STK32B: variants seen among roughly 807,000 people sequenced by gnomAD.
STK32B encodes the protein serine/threonine kinase 32B.
A neutral mutation model predicts 52.6 loss-of-function variants in STK32B; 43 were observed. That is an observed-to-expected ratio of 0.82 (90% CI 0.64 to 1.05). The LOEUF is 1.05. Ranked by LOEUF, STK32B falls within the 50% of genes least tolerant of loss-of-function variation. The pLI, the probability that STK32B is intolerant of heterozygous loss-of-function variation, is 0.00. For synonymous variants in STK32B, 238 were observed against 204.3 expected, an observed-to-expected ratio of 1.17 and a Z score of -1.41; for missense variants, 621 against 534.6, an observed-to-expected ratio of 1.16 and a Z score of -1.59.
At chr4:5,124,200 T>C (rs1715225989) in intron 1 of STK32B, among the ~76,000 whole-genome samples, 1 of 152,158 alleles carries the variant, frequency 6.6e-6, no homozygotes, top group Non-Finnish European at 1.5e-5. Context: ...ATAATTTTGC[T>C]CTCTCACAGA....
intron 1 of STK32B, among the ~76,000 whole-genome samples, chr4:5,127,327 G>A (rs1261369677): frequency 6.6e-6 from 1 of 152,210 alleles, no homozygotes; most frequent in Non-Finnish European, 1.5e-5. Context: ...TTCACCTGGT[G>A]TGAGGGTCTG....
intron 1 of STK32B, among the ~76,000 whole-genome samples, chr4:5,098,269 T>C (rs539132697): frequency 1.2e-3 from 178 of 152,350 alleles, no homozygotes; most frequent in African/African-American, 4.0e-3. Context: ...TTGTTATGTT[T>C]ACAGTACTAC....
Position 5,460,409 on chromosome 4 carries a change from G to C in STK32B, c.909+181G>C, listed in dbSNP as rs560365282. ...GGGCCTGATTTCCAGGGTCCCAGCC[G>C]TACAGCTTCCCTCCTTGTGGTAGGT... On this transcript the variant is annotated intron_variant, in intron 9 of 11. Coordinates refer to ENST00000282908, the MANE Select transcript of STK32B (RefSeq NM_018401.3). The surrounding 1 kb of genome is among the most constrained non-coding windows in gnomAD (Gnocchi z 4.8). 6.6e-6 allele frequency among the ~76,000 whole-genome samples: 1 copy of C among 152,324 alleles called. No individual in the cohort carries two copies. Among genetic ancestry groups the C allele is most frequent in the South Asian group, 2.1e-4 (1 of 4,824 alleles).
At chr4:5,201,887 A>T (rs755774810) in intron 3 of STK32B, among the ~76,000 whole-genome samples, 1 of 152,184 alleles carries the variant, frequency 6.6e-6, no homozygotes, top group African/African-American at 2.4e-5. Flanking sequence ...ATTTGAGATG[A>T]TATTTGGGTG....
intron 3 of STK32B, among the ~76,000 whole-genome samples, chr4:5,297,635 G>GTT (rs200463444): frequency 1.0e-4 from 13 of 126,974 alleles, no homozygotes; most frequent in Non-Finnish European, 1.6e-4. Context: ...GGTCATTTAT[G>GTT]TTTTTTTTTT....
At chr4:5,317,923 T>C (rs1731217636) in intron 3 of STK32B, among the ~76,000 whole-genome samples, 1 of 152,094 alleles carries the variant, frequency 6.6e-6, no homozygotes, top group African/African-American at 2.4e-5. Context: ...TGAAAATCTG[T>C]TAGAATTGCC....
intron 3 of STK32B, among the ~76,000 whole-genome samples, chr4:5,176,030 C>A (rs1372303104): frequency 1.3e-5 from 2 of 152,230 alleles, no homozygotes; most frequent in Non-Finnish European, 2.9e-5. Context: ...CTCGCTGTGG[C>A]CTTGCAGTTA....
Position 5,329,718 on chromosome 4 carries a change from C to A in STK32B, c.261-1502C>A, listed in dbSNP as rs150428853. Among the ~76,000 whole-genome samples the A allele has an allele frequency of 9.8e-3, 1,490 of 152,326 alleles. 11 individuals are homozygous for A. The highest frequency in any genetic ancestry group is 0.016 in the Non-Finnish European group (1,084 of 68,022). ...CAGACAGTAGGTGTTCCATAAGCCT[C>A]TGGTAAATTCATGATCTGGGGACGC... On this transcript the variant is annotated intron_variant, in intron 3 of 11. Coordinates refer to ENST00000282908, the MANE Select transcript of STK32B (RefSeq NM_018401.3).
At chr4:5,169,284 T>C (rs1719144003) in intron 3 of STK32B, among the ~76,000 whole-genome samples, 1 of 152,180 alleles carries the variant, frequency 6.6e-6, no homozygotes, top group Non-Finnish European at 1.5e-5. Flanking sequence ...ACACAGTATC[T>C]GACACATTGG....
chr4:5,421,655 G>T (rs1246568277), intron 6 of STK32B, among the ~76,000 whole-genome samples: 1 of 152,192 alleles, frequency 6.6e-6, no homozygotes, highest in Non-Finnish European at 1.5e-5. Context: ...CACACTGTCT[G>T]AGGCAGCCCA....
Position 5,117,791 on chromosome 4 carries a change from CT to C in STK32B, c.53-22110del, listed in dbSNP as rs1164508811. ...TACACTAGTTTTTTCTTTCATGTTT[CT>C]TTTCTTCTGATATTTTAGATCATAT... On this transcript the variant is annotated intron_variant, in intron 1 of 11. Coordinates refer to ENST00000282908, the MANE Select transcript of STK32B (RefSeq NM_018401.3). 2.0e-5 allele frequency among the ~76,000 whole-genome samples: 3 copies of C among 151,810 alleles called. No homozygotes were observed. In the East Asian group the frequency reaches 5.8e-4, roughly 29 times the overall value.
At chr4:5,393,900 T>TCTCC (rs1433377809) in intron 4 of STK32B, among the ~76,000 whole-genome samples, 2 of 152,166 alleles carry the variant, frequency 1.3e-5, no homozygotes, top group African/African-American at 4.8e-5. Flanking sequence ...GCTACCTCCC[T>TCTCC]CTCCCTCTTG....
intron 11 of STK32B, among the ~76,000 whole-genome samples, chr4:5,497,427 G>A (rs924572610): frequency 3.3e-5 from 5 of 152,200 alleles, no homozygotes; most frequent in African/African-American, 7.2e-5. Flanking sequence ...GCCTCAACCC[G>A]AAGGGAGCCT....
chr4:5,203,432 C>CT (rs1722312625), intron 3 of STK32B, among the ~76,000 whole-genome samples: 1 of 152,162 alleles, frequency 6.6e-6, no homozygotes, highest in South Asian at 2.1e-4. Context: ...TTACATGTCT[C>CT]TTTTTTCAAA....
intron 3 of STK32B, among the ~76,000 whole-genome samples, chr4:5,177,035 A>T (rs1329735705): frequency 6.6e-6 from 1 of 152,196 alleles, no homozygotes; most frequent in East Asian, 1.9e-4. Flanking sequence ...TGAAAAGAAG[A>T]CATGAAAGTA....
intron 6 of STK32B, among the ~76,000 whole-genome samples, chr4:5,426,694 A>AAAAAAG (rs1322037109): frequency 4.3e-5 from 6 of 139,644 alleles, no homozygotes; most frequent in African/African-American, 1.5e-4. Flanking sequence ...CATCTAAACA[A>AAAAAAG]AAAAAAAAAA....
chr4:5,137,990 C>T (rs1009569325), intron 1 of STK32B, among the ~76,000 whole-genome samples: 3 of 152,164 alleles, frequency 2.0e-5, no homozygotes, highest in Non-Finnish European at 4.4e-5. Flanking sequence ...GTGGGGACCT[C>T]GGGAGTTTCT....
intron 4 of STK32B, among the ~76,000 whole-genome samples, chr4:5,361,720 A>G (rs762126261): frequency 2.6e-5 from 4 of 152,246 alleles, no homozygotes; most frequent in South Asian, 2.1e-4. Flanking sequence ...CTAGAATTCT[A>G]TAATAAAGAG....
At chr4:5,435,373 C>G (rs764839528) in intron 6 of STK32B, among the ~76,000 whole-genome samples, 2 of 152,168 alleles carry the variant, frequency 1.3e-5, no homozygotes, top group East Asian at 1.9e-4. Flanking sequence ...AGGGCTGCCC[C>G]TAGAGCTGCC....
Sources: gnomAD v4.1 joint callset for allele counts (sites outside exome capture counted in the v4.1 genomes callset) on GRCh38, gnomAD v4.1.1 for gene constraint, Gnocchi (gnomAD v3.1) non-coding constraint, MANE v1.5 for transcripts, NCBI Gene and HGNC (gene_info 2026-07-23, HGNC 2026-07-21) for gene names.